The following VOPP1 variants were observed in gnomAD, a reference collection of about 807,000 sequenced individuals.
VOPP1 encodes VOPP1 WW domain binding protein.
In VOPP1, 8 loss-of-function variants were observed where a neutral mutation model predicts 23.5. The ratio of observed to expected loss-of-function variants is 0.34; its 90% confidence interval spans 0.20 to 0.61. The LOEUF (loss-of-function observed/expected upper bound fraction) is 0.61, where lower values mean the gene tolerates loss of function less well. VOPP1 is among the 20% of genes least tolerant of loss of function. The pLI is 0.78. For missense variants in VOPP1, 174 were observed against 238.1 expected (o/e 0.73, Z 1.77); for synonymous variants, 83 against 97.3 (o/e 0.85, Z 0.86).
chr7:55,467,641 A>C (rs998251403), downstream of VOPP1, among the ~76,000 whole-genome samples: 1 of 152,270 alleles, frequency 6.6e-6, no homozygotes, highest in Non-Finnish European at 1.5e-5. Flanking sequence ...AAGGACAGAT[A>C]AAAGTGAGCA....
At chr7:55,554,513 A>C (rs1354566039) in intron 1 of VOPP1, among the ~76,000 whole-genome samples, 4 of 152,252 alleles carry the variant, frequency 2.6e-5, no homozygotes, top group African/African-American at 7.2e-5. Context: ...CTGAGTCAGG[A>C]ATAGAGAAAA....
At chr7:55,540,344 G>GC (rs1234996509) in intron 1 of VOPP1, among the ~76,000 whole-genome samples, 1 of 151,690 alleles carries the variant, frequency 6.6e-6, no homozygotes, top group East Asian at 1.9e-4. Flanking sequence ...GTTGCAGTGA[G>GC]CCGAGATCGC....
At chr7:55,564,231 C>G (rs888016874) in intron 1 of VOPP1, among the ~76,000 whole-genome samples, 1 of 139,330 alleles carries the variant, frequency 7.2e-6, no homozygotes, top group African/African-American at 2.8e-5. Flanking sequence ...CACACTCTTT[C>G]TCTCTGTCTC....
chr7:55,506,645 C>CT (rs60854275), intron 2 of VOPP1, among the ~76,000 whole-genome samples: 1 of 151,158 alleles, frequency 6.6e-6, no homozygotes, highest in Non-Finnish European at 1.5e-5. Context: ...CCACAAGCTT[C>CT]TTTTTTTTTT....
chr7:55,474,309 C>T (rs1179093318), intron 4 of VOPP1, among the ~76,000 whole-genome samples: 1 of 152,198 alleles, frequency 6.6e-6, no homozygotes, highest in Admixed American at 6.5e-5. Flanking sequence ...ATGAGTTTCG[C>T]AAGGGCAGAG....
chr7:55,503,130 C>T (rs1021408265), intron 2 of VOPP1, among the ~76,000 whole-genome samples: 1 of 152,166 alleles, frequency 6.6e-6, no homozygotes, highest in African/African-American at 2.4e-5. Context: ...ATGGGTAGTC[C>T]ACTCTGAGCA....
chr7:55,452,292 C>T (rs750005131), intron 4 of VOPP1, among the ~76,000 whole-genome samples: 42 of 152,158 alleles, frequency 2.8e-4, no homozygotes, highest in Non-Finnish European at 7.3e-5. Context: ...GGTTCCACTT[C>T]GAATTATATT....
chr7:55,479,174 C>CT (rs1289310682), intron 4 of VOPP1, among the ~76,000 whole-genome samples: 5 of 147,788 alleles, frequency 3.4e-5, no homozygotes, highest in African/African-American at 1.2e-4. Flanking sequence ...TATTATTATA[C>CT]TTTAAGTTTT....
Position 55,501,221 on chromosome 7 carries a change from T to G in VOPP1, c.114-3531A>C, listed in dbSNP as rs144130941. Among the ~76,000 whole-genome samples the G allele has an allele frequency of 4.4e-3, 671 of 152,310 alleles. 1 individual carries two copies. The highest frequency in any genetic ancestry group is 6.1e-3 in the Non-Finnish European group (418 of 68,022). On this transcript the variant is annotated intron_variant, in intron 2 of 4. Coordinates refer to ENST00000285279, the MANE Select transcript of VOPP1 (RefSeq NM_030796.5). ...CTACAATTAGCAGGTAACTTAATCA[T>G]AGAGACATATAATAAAGATGCGATA...
At chr7:55,475,854 C>T (rs547754891) in intron 4 of VOPP1, among the ~76,000 whole-genome samples, 4 of 152,184 alleles carry the variant, frequency 2.6e-5, no homozygotes, top group Admixed American at 2.0e-4. Context: ...CGTGTGTGCA[C>T]GGTGGGGAAT....
Position 55,537,416 on chromosome 7 carries a change from C to T in VOPP1, c.55-16286G>A, listed in dbSNP as rs1259134859. 9 of 1,516,490 alleles carry T rather than the reference C, an allele frequency of 5.9e-6. No individual in the cohort carries two copies. In the South Asian group the frequency reaches 7.2e-5, roughly 12 times the overall value. 93.9% of individuals were successfully genotyped at this position (1,516,490 alleles called of 1,614,324 possible). On this transcript the variant is annotated intron_variant, in intron 1 of 4. Transcript: ENST00000285279. ...GCCTTCTGGAGGTAACACATAACTG[C>T]CCACCATGCTCTTCTTTCCCAGAAC...
intron 1 of VOPP1, among the ~76,000 whole-genome samples, chr7:55,540,632 C>T (rs1797090347): frequency 6.6e-6 from 1 of 152,118 alleles, no homozygotes. Flanking sequence ...ACACGTGGAG[C>T]ATAAGTTCCA....
At chr7:55,484,328 C>T (rs1386053126) in intron 4 of VOPP1, among the ~76,000 whole-genome samples, 1 of 152,236 alleles carries the variant, frequency 6.6e-6, no homozygotes, top group Non-Finnish European at 1.5e-5. Flanking sequence ...TGTGGAGATT[C>T]ATCCTCGTGA....
chr7:55,438,250 C>T (rs905978889), intron 4 of VOPP1, among the ~76,000 whole-genome samples: 1 of 151,944 alleles, frequency 6.6e-6, no homozygotes, highest in Non-Finnish European at 1.5e-5. Flanking sequence ...TTAATTTATC[C>T]AACTGGTTAA....
At chr7:55,519,828 CA>C (rs1449094150) in intron 2 of VOPP1, among the ~76,000 whole-genome samples, 1 of 152,226 alleles carries the variant, frequency 6.6e-6, no homozygotes, top group Non-Finnish European at 1.5e-5. Flanking sequence ...CTGGGCTCCT[CA>C]AGAATGACAG....
chr7:55,572,167 G>C, intron 1 of VOPP1, 104 bp downstream of exon 1: 1 of 920,946 alleles, frequency 1.1e-6, no homozygotes, highest in South Asian at 1.7e-5. Context: ...TCCACCGTCT[G>C]CGCTCCCAGG....
At chr7:55,563,732 T>C (rs1447831152) in intron 1 of VOPP1, among the ~76,000 whole-genome samples, 1 of 152,222 alleles carries the variant, frequency 6.6e-6, no homozygotes, top group African/African-American at 2.4e-5. Context: ...CAAGGTCAGG[T>C]GTGAAATTTT....
intron 2 of VOPP1, among the ~76,000 whole-genome samples, chr7:55,508,922 T>C (rs1204402963): frequency 1.3e-5 from 2 of 152,152 alleles, no homozygotes; most frequent in African/African-American, 4.8e-5. Context: ...CATATGCCTA[T>C]AGTCCTAGCG....
chr7:55,562,592 G>A (rs1054490315), intron 1 of VOPP1, among the ~76,000 whole-genome samples: 2 of 152,212 alleles, frequency 1.3e-5, no homozygotes, highest in African/African-American at 4.8e-5. Flanking sequence ...TGAATTCACA[G>A]CCAAGGAGCA....
Sources: gnomAD v4.1 joint callset for allele counts (sites outside exome capture counted in the v4.1 genomes callset) on GRCh38, gnomAD v4.1.1 for gene constraint, MANE v1.5 for transcripts, NCBI Gene and HGNC (gene_info 2026-07-23, HGNC 2026-07-21) for gene names.